Variants in FLT3 observed in about 807,000 individuals in gnomAD.
FLT3 encodes receptor-type tyrosine-protein kinase FLT3.
In FLT3, 46 loss-of-function variants were observed where a neutral mutation model predicts 126.6. The observed-to-expected ratio is 0.36, with a 90% CI of 0.29 to 0.46. FLT3 has a LOEUF of 0.46. FLT3 is among the 20% of genes least tolerant of loss of function. The probability of loss-of-function intolerance (pLI) is 1.00; values close to 1 mark genes in which losing one functional copy is unlikely to be tolerated. For synonymous variants in FLT3, 404 were observed against 434.4 expected (o/e 0.93, Z 0.87); for missense variants, 1,069 against 1,190.3 (o/e 0.90, Z 1.50).
At position 28,045,934 on chromosome 13, in the gene FLT3, CAA is replaced by C. The variant is rs57916548; in HGVS notation, c.1205+2339_1205+2340del. ...TTGATGCCTCTAAGGCAATGGTTCT[CAA>C]AAAAAAAAAAAAAAAAAATGCCAGG... On this transcript the variant is annotated intron_variant, in intron 9 of 23. Transcript: ENST00000241453. 6.7e-3 allele frequency among the ~76,000 whole-genome samples: 823 copies of C among 122,774 alleles called. 15 individuals are homozygous for C. The highest frequency in any genetic ancestry group is 0.025 in the African/African-American group (789 of 31,158). 80.5% of individuals were successfully genotyped at this position (122,774 alleles called of 152,430 possible). A position where few individuals can be genotyped will look rare whatever the true frequency, so the allele number is the denominator to read the frequency against.
chr13:28,084,854 A>C (rs901531722), intron 1 of FLT3, among the ~76,000 whole-genome samples: 1 of 151,856 alleles, frequency 6.6e-6, no homozygotes, highest in Admixed American at 6.6e-5. Flanking sequence ...GGGCGCCTGT[A>C]GTCCCAGCTA....
rs1879752873 is a variant in FLT3 at position 28,100,418 on chromosome 13, TG to T, written c.43+49del. ...GCGCGCCCGGGTCCACACTGCGGGG[TG>T]GGGGCTGAGGGACCGCGAGGGGCTG... On this transcript the variant is annotated intron_variant, in intron 1 of 23. Coordinates refer to ENST00000241453, the MANE Select transcript of FLT3 (RefSeq NM_004119.3). This position sits in a 1 kb window ranked among gnomAD's most constrained non-coding sequence, Gnocchi z 4.8. 1 of 1,181,798 alleles carries T rather than the reference TG, an allele frequency of 8.5e-7. No individual in the cohort carries two copies. Among genetic ancestry groups the T allele is most frequent in the Non-Finnish European group, 1.1e-6 (1 of 951,508 alleles). The allele number at this position is 1,181,798 out of a possible 1,614,324, so 73.2% of individuals were successfully genotyped here.
intron 23 of FLT3, among the ~76,000 whole-genome samples, chr13:28,006,676 G>A (rs985983215): frequency 3.3e-5 from 5 of 150,720 alleles, no homozygotes; most frequent in African/African-American, 1.2e-4. Flanking sequence ...TAGTTACTGG[G>A]TATAGTTGTA....
intron 4 of FLT3, among the ~76,000 whole-genome samples, chr13:28,055,190 C>G (rs9581967): frequency 0.16 from 24,764 of 152,094 alleles, 2,209 homozygotes; most frequent in Middle Eastern, 0.26. Flanking sequence ...AAACCGAGAT[C>G]AAGGGAGATA....
In FLT3 at chr13:28,035,639, T is replaced by C; in HGVS notation, c.1453A>G (p.Arg485Gly). 2.5e-6 allele frequency: 4 copies of C among 1,614,030 alleles called. No individual in the cohort carries two copies. Among genetic ancestry groups the C allele is most frequent in the Non-Finnish European group, 3.4e-6 (4 of 1,179,990 alleles). ...CCAAACACTTTTCTGTTAGCCTTTC[T>C]ATTCCAGACTCCTTCTGTGATCTCT... ...TEEITEGVWN[R>G]KANRKVFGQW... is the part of the protein sequence containing the mutation. The change falls in exon 12 of 24, where the codon AGA (arginine) becomes GGA (glycine). Residue 485 changes from arginine to glycine, a missense_variant. Physicochemically the swap from Arg to Gly is moderately radical, Grantham distance 125. Transcript: ENST00000241453.
chr13:28,079,896 G>C (rs1878206110), intron 1 of FLT3, among the ~76,000 whole-genome samples: 1 of 152,132 alleles, frequency 6.6e-6, no homozygotes, highest in Admixed American at 6.6e-5. Context: ...AGGGGAAAGG[G>C]AGCAGCCATC....
rs1593244662 is a variant in FLT3, at chr13:28,037,043, A to G, written c.1309+142T>C. On this transcript the variant is annotated intron_variant, in intron 10 of 23. Coordinates refer to ENST00000241453, the MANE Select transcript of FLT3 (RefSeq NM_004119.3). ...TATGATCAATGCCAGTAGATATGAG[A>G]GTAAAGTTTCAAAACACTTCAGCGT... is the stretch of plus-strand genomic sequence containing the variant. 17 of 611,328 alleles carry G rather than the reference A, an allele frequency of 2.8e-5. No individual in the cohort carries two copies. The East Asian group carries it at 4.4e-4, about 16-fold the overall frequency. 37.9% of individuals were successfully genotyped at this position (611,328 alleles called of 1,614,324 possible). A position where few individuals can be genotyped will look rare whatever the true frequency, so the allele number is the denominator to read the frequency against.
intron 3 of FLT3, among the ~76,000 whole-genome samples, 157 bp downstream of exon 3, chr13:28,061,710 A>AC (rs1372268132): frequency 6.6e-6 from 1 of 151,904 alleles, no homozygotes; most frequent in Non-Finnish European, 1.5e-5. Flanking sequence ...GGTCGAGGCT[A>AC]CAGTGAGACA....
At chr13:28,031,078 T>A (rs1489318284) in intron 15 of FLT3, among the ~76,000 whole-genome samples, 2 of 151,366 alleles carry the variant, frequency 1.3e-5, no homozygotes, top group Admixed American at 1.3e-4. Flanking sequence ...TACAAAAAAA[T>A]TTAGCCGGGC....
At chr13:28,017,452 C>T (rs1566059333) in intron 20 of FLT3, among the ~76,000 whole-genome samples, 1 of 152,044 alleles carries the variant, frequency 6.6e-6, no homozygotes, top group African/African-American at 2.4e-5. Context: ...GTCTTGAACC[C>T]GGGCTCAAGC....
intron 4 of FLT3, among the ~76,000 whole-genome samples, chr13:28,055,762 T>C (rs1320957749): frequency 6.6e-6 from 1 of 152,176 alleles, no homozygotes; most frequent in African/African-American, 2.4e-5. Flanking sequence ...TATACAACTG[T>C]TTATACTTGG....
Position 28,057,444 on chromosome 13 carries a change from G to C in FLT3, c.387C>G (p.Val129=), listed in dbSNP as rs747198885. Residue 129 remains valine, a synonymous_variant, in exon 4 of 24, where the codon GTC becomes GTG. Transcript: ENST00000241453. ...DLQNRGVVSM[V]ILKMTETQAG... The stretch of plus-strand genomic sequence containing the variant: ...CTTGGGTTTCTGTCATTTTCAAAAT[G>C]ACCATGGAAACAACTCCTCTGCAAA... The C allele has an allele frequency of 1.9e-5, 29 of 1,542,228 alleles. No individual in the cohort carries two copies. The highest frequency in any genetic ancestry group is 2.6e-5 in the Non-Finnish European group (29 of 1,114,384).
intron 23 of FLT3, among the ~76,000 whole-genome samples, chr13:28,010,684 C>T (rs549728297): frequency 3.3e-5 from 5 of 152,268 alleles, no homozygotes; most frequent in African/African-American, 7.2e-5. Flanking sequence ...CTCTGAGGGC[C>T]CTTTTCCTTC....
chr13:28,062,092 T>A, intron 2 of FLT3, 23 bp from the exon 3 acceptor site: 1 of 1,593,986 alleles, frequency 6.3e-7, no homozygotes, highest in Non-Finnish European at 8.6e-7. Context: ...TAGAACAAAG[T>A]GAATTCATGA....
At chr13:28,062,176 G>A (rs555011317) in intron 2 of FLT3, 107 bp from the exon 3 acceptor site, 7 of 750,130 alleles carry the variant, frequency 9.3e-6, no homozygotes, top group African/African-American at 8.6e-5. Context: ...CACACTGCAC[G>A]CAACACCCAC....
chr13:28,049,981 A>C, intron 6 of FLT3, 114 bp downstream of exon 6: 1 of 1,275,548 alleles, frequency 7.8e-7, no homozygotes, highest in South Asian at 1.4e-5. Context: ...CTGTGACCTG[A>C]AGGAATGATA....
chr13:28,013,365 T>C (rs1037974292), intron 23 of FLT3, among the ~76,000 whole-genome samples: 15 of 152,222 alleles, frequency 9.9e-5, no homozygotes, highest in African/African-American at 3.6e-4. Context: ...CATCACCTGA[T>C]TTACTCCTTC....
At chr13:28,052,436 CT>C in intron 5 of FLT3, 108 bp downstream of exon 5, 1 of 1,165,510 alleles carries the variant, frequency 8.6e-7, no homozygotes, top group Non-Finnish European at 1.2e-6. Context: ...CCAAAGTTTC[CT>C]GTTTAAATGA....
At chr13:28,005,332 A>AAAAAGAAAAAACG (rs1555248718) in intron 23 of FLT3, among the ~76,000 whole-genome samples, 1 of 151,970 alleles carries the variant, frequency 6.6e-6, no homozygotes, top group African/African-American at 2.4e-5. Flanking sequence ...CCATCTCAAA[A>AAAAAGAAAAAACG]AAAAGAAAAA....
Sources: gnomAD v4.1 joint callset for allele counts (sites outside exome capture counted in the v4.1 genomes callset) on GRCh38, gnomAD v4.1.1 for gene constraint, Gnocchi (gnomAD v3.1) non-coding constraint, MANE v1.5 for transcripts, NCBI Gene and HGNC (gene_info 2026-07-23, HGNC 2026-07-21) for gene names.